The following AOPEP variants were observed in gnomAD, a reference collection of about 807,000 sequenced individuals.
AOPEP encodes the protein aminopeptidase O.
AOPEP carries 77 observed loss-of-function variants against 98.1 expected under a neutral mutation model. That is an observed-to-expected ratio of 0.78 (90% CI 0.65 to 0.95). The LOEUF (loss-of-function observed/expected upper bound fraction) is 0.95. AOPEP is among the 40% of genes least tolerant of loss of function. The probability of loss-of-function intolerance (pLI) is 0.00; values close to 1 mark genes in which losing one functional copy is unlikely to be tolerated. For missense variants in AOPEP, 1,024 were observed against 1,024.7 expected (o/e 1.00, Z 0.01); for synonymous variants, 346 against 365.3 (o/e 0.95, Z 0.60).
At chr9:95,150,075 C>G in the AOPEP span, 1 of 1,614,122 alleles carries the variant, frequency 6.2e-7, no homozygotes, top group Non-Finnish European at 8.5e-7. Flanking sequence ...ACGCCACTCG[C>G]TCGGGAGCCA....
At chr9:94,927,578 C>T (rs981181539) in intron 6 of AOPEP, among the ~76,000 whole-genome samples, 4 of 152,212 alleles carry the variant, frequency 2.6e-5, no homozygotes, top group African/African-American at 9.6e-5. Context: ...GTCACCACCA[C>T]CTCCTCAGGA....
At chr9:95,052,953 A>AT in intron 13 of AOPEP, among the ~76,000 whole-genome samples, 1 of 152,048 alleles carries the variant, frequency 6.6e-6, no homozygotes, top group Non-Finnish European at 1.5e-5. Context: ...AAATGTTATG[A>AT]CTAAGACTAG....
chr9:94,928,987 G>C (rs1588938265), intron 7 of AOPEP: 1 of 155,792 alleles, frequency 6.4e-6, no homozygotes, highest in Admixed American at 6.4e-5. Flanking sequence ...AGCCTCTGCT[G>C]CTCCCCTGTG....
At chr9:95,141,560 C>T in the AOPEP span, among the ~76,000 whole-genome samples, 4 of 151,894 alleles carry the variant, frequency 2.6e-5, no homozygotes, top group Admixed American at 2.0e-4. Context: ...GTAGGTCGGC[C>T]CTTTCTTCTA....
intron 5 of AOPEP, among the ~76,000 whole-genome samples, chr9:94,919,903 C>G (rs1252374462): frequency 6.6e-6 from 1 of 152,162 alleles, no homozygotes; most frequent in African/African-American, 2.4e-5. Flanking sequence ...TTGGGCTGCA[C>G]ATGTTGAAAT....
chr9:94,927,808 C>T (rs1027765980), intron 6 of AOPEP, among the ~76,000 whole-genome samples: 1 of 152,242 alleles, frequency 6.6e-6, no homozygotes, highest in Non-Finnish European at 1.5e-5. Flanking sequence ...CGTCTTCCCT[C>T]CCCAGTGGGT....
intron 3 of AOPEP, among the ~76,000 whole-genome samples, chr9:94,776,256 G>C (rs918179134): frequency 6.6e-6 from 1 of 151,980 alleles, no homozygotes; most frequent in Non-Finnish European, 1.5e-5. Context: ...TTATTTTATA[G>C]ATATTTTGTA....
intron 3 of AOPEP, among the ~76,000 whole-genome samples, chr9:94,787,014 G>A (rs182206732): frequency 7.2e-5 from 11 of 152,248 alleles, no homozygotes; most frequent in East Asian, 1.9e-4. Context: ...AAACTTGCGC[G>A]CTGTATAGGA....
intron 13 of AOPEP, among the ~76,000 whole-genome samples, chr9:95,036,155 G>A (rs2064801979): frequency 6.6e-6 from 1 of 152,180 alleles, no homozygotes; most frequent in African/African-American, 2.4e-5. Context: ...ATGTGCATAT[G>A]ATCTTGTGTG....
chr9:94,937,795 A>G (rs2056489744), intron 7 of AOPEP, among the ~76,000 whole-genome samples: 1 of 152,124 alleles, frequency 6.6e-6, no homozygotes, highest in Admixed American at 6.5e-5. Flanking sequence ...CTCTGATCTT[A>G]CTACATGATT....
In AOPEP at chr9:94,928,493, C is replaced by CGAGATGCAATGCTCCCCCGAG. The variant is rs1246807570; in HGVS notation, c.1632_1652dup (p.Cys545_Gln551dup). On this transcript the variant is annotated inframe_insertion, in exon 7 of 17. Coordinates refer to ENST00000375315, the MANE Select transcript of AOPEP (RefSeq NM_001193329.3). ...GTCTGCGCTGGCGTCGCCTCCAGGA[C>CGAGATGCAATGCTCCCCCGAG]GAGATGCAATGCTCCCCCGAGGAGA... 30 of 1,550,754 alleles carry CGAGATGCAATGCTCCCCCGAG rather than the reference C, an allele frequency of 1.9e-5. No individual in the cohort carries two copies. Among genetic ancestry groups the CGAGATGCAATGCTCCCCCGAG allele is most frequent in the Non-Finnish European group, 2.6e-5 (30 of 1,147,068 alleles).
At chr9:94,979,079 A>G (rs2060020518) in intron 10 of AOPEP, among the ~76,000 whole-genome samples, 3 of 152,098 alleles carry the variant, frequency 2.0e-5, no homozygotes, top group African/African-American at 7.2e-5. Context: ...TCCTCCCGAA[A>G]CTGGCTTTCC....
At chr9:94,978,727 T>G (rs2059999318) in intron 10 of AOPEP, among the ~76,000 whole-genome samples, 1 of 152,188 alleles carries the variant, frequency 6.6e-6, no homozygotes, top group South Asian at 2.1e-4. Context: ...CTAAATATAC[T>G]GAAGACTTAG....
intron 5 of AOPEP, among the ~76,000 whole-genome samples, chr9:94,918,051 T>C (rs2053086922): frequency 6.6e-6 from 1 of 152,206 alleles, no homozygotes; most frequent in Non-Finnish European, 1.5e-5. Flanking sequence ...TGACCTGCTT[T>C]AAACCATCTC....
chr9:95,130,136 G>T, the AOPEP span, among the ~76,000 whole-genome samples: 1 of 152,190 alleles, frequency 6.6e-6, no homozygotes, highest in Non-Finnish European at 1.5e-5. Flanking sequence ...AGGCTCTTGT[G>T]CCCGGTCCTT....
At chr9:94,729,932 G>T (rs1237956946) in intron 1 of AOPEP, among the ~76,000 whole-genome samples, 1 of 152,166 alleles carries the variant, frequency 6.6e-6, no homozygotes, top group East Asian at 1.9e-4. Flanking sequence ...AAGACTGGGA[G>T]GCTGTGCTTG....
intron 5 of AOPEP, among the ~76,000 whole-genome samples, chr9:94,881,587 T>C (rs759373935): frequency 4.6e-5 from 7 of 152,240 alleles, no homozygotes; most frequent in Non-Finnish European, 7.3e-5. Context: ...AATTCAGTCA[T>C]GTCTGTAACT....
chr9:94,760,027 A>T lies in AOPEP; in HGVS notation c.244A>T (p.Ile82Phe). 6.2e-7 allele frequency: 1 copy of T among 1,614,212 alleles called. No individual in the cohort carries two copies. The highest frequency in any genetic ancestry group is 8.5e-7 in the Non-Finnish European group (1 of 1,180,030). The change falls in exon 2 of 17, where the codon ATT becomes TTT. Residue 82 changes from isoleucine (I) to phenylalanine (F), a missense_variant. Ile to Phe is a conservative substitution (Grantham distance 21). Transcript: ENST00000375315. The stretch of plus-strand genomic sequence containing the variant: ...ATTTGGGATGCCTGAACCCTGCCAT[A>T]TTCCCGTGACAAATGCAAGGACCTT... ...CKFGMPEPCH[I>F]PVTNARTFSS...
intron 5 of AOPEP, among the ~76,000 whole-genome samples, chr9:94,921,627 GT>G (rs1430108596): frequency 6.6e-6 from 1 of 152,152 alleles, no homozygotes; most frequent in Non-Finnish European, 1.5e-5. Context: ...TTTGAGAAAG[GT>G]TATCAAAACC....
Sources: gnomAD v4.1 joint callset for allele counts (sites outside exome capture counted in the v4.1 genomes callset) on GRCh38, gnomAD v4.1.1 for gene constraint, MANE v1.5 for transcripts, NCBI Gene and HGNC (gene_info 2026-07-23, HGNC 2026-07-21) for gene names.